LARGE1: variants seen among roughly 807,000 people sequenced by gnomAD.
The protein encoded by LARGE1 is xylosyl- and glucuronyltransferase LARGE1.
Under a neutral mutation model 87.6 loss-of-function variants are expected in LARGE1, and 43 were observed. The ratio of observed to expected loss-of-function variants is 0.49; its 90% CI spans 0.38 to 0.63. LARGE1 has a LOEUF of 0.63. Among genes scored for constraint, LARGE1 ranks in the 30% least tolerant of loss-of-function variants. The probability of loss-of-function intolerance (pLI) is 0.00; values close to 1 mark genes in which losing one functional copy is unlikely to be tolerated. For missense variants in LARGE1, 802 were observed against 1,000.2 expected (o/e 0.80, Z 2.67); for synonymous variants, 434 against 394.6 (o/e 1.10, Z -1.18).
intron 6 of LARGE1, among the ~76,000 whole-genome samples, chr22:33,512,891 A>G (rs763734476): frequency 1.3e-5 from 2 of 152,226 alleles, no homozygotes; most frequent in Middle Eastern, 3.2e-3. Context: ...CTTGTCTTCA[A>G]CATACCCTGT....
At chr22:33,684,456 A>T (rs555526374) in intron 2 of LARGE1, among the ~76,000 whole-genome samples, 11 of 151,984 alleles carry the variant, frequency 7.2e-5, no homozygotes, top group Non-Finnish European at 1.5e-4. Flanking sequence ...AGAAAATCCC[A>T]TAGAAGTCAC....
intron 2 of LARGE1, among the ~76,000 whole-genome samples, chr22:33,738,977 C>T (rs1008664454): frequency 3.3e-5 from 5 of 150,376 alleles, no homozygotes; most frequent in African/African-American, 1.2e-4. Context: ...ATACAGTCAT[C>T]CTAGATACAG....
intron 2 of LARGE1, among the ~76,000 whole-genome samples, chr22:33,740,189 C>T (rs2083826233): frequency 6.6e-6 from 1 of 152,184 alleles, no homozygotes; most frequent in Admixed American, 6.5e-5. Flanking sequence ...TGGCCTATTC[C>T]TAGTCATGCT....
rs200125072 is a variant in LARGE1 at position 33,812,335 on chromosome 22, AC to A, written c.-82-50778del. On this transcript the variant is annotated intron_variant, in intron 1 of 14. Coordinates refer to ENST00000397394, the MANE Select transcript of LARGE1 (RefSeq NM_133642.5). ...TGACACAGCATCTCACCTGCCCAGAACTTGTGACAGTCACTTGGCTTCATTT... is the reference window on the plus strand; with the variant it reads ...TGACACAGCATCTCACCTGCCCAGAATTGTGACAGTCACTTGGCTTCATTT... 8.2e-3 allele frequency among the ~76,000 whole-genome samples: 1,246 copies of A among 152,232 alleles called. 15 individuals carry two copies. Among genetic ancestry groups the A allele is most frequent in the African/African-American group, 0.029 (1,202 of 41,550 alleles).
chr22:33,695,327 T>A (rs1378273067), intron 2 of LARGE1, among the ~76,000 whole-genome samples: 1 of 152,056 alleles, frequency 6.6e-6, no homozygotes, highest in Non-Finnish European at 1.5e-5. Context: ...TGGTCTCAAA[T>A]TCCTGACCTC....
chr22:33,225,944 C>A (rs1347171490), intron 11 of LARGE1, among the ~76,000 whole-genome samples: 1 of 152,148 alleles, frequency 6.6e-6, no homozygotes. Context: ...ACCACATTTT[C>A]TTTATCCAGT....
chr22:33,817,599 C>G (rs1207666969), intron 1 of LARGE1, among the ~76,000 whole-genome samples: 1 of 152,086 alleles, frequency 6.6e-6, no homozygotes, highest in African/African-American at 2.4e-5. Context: ...GAAGGGACCA[C>G]AGAGAGGTAA....
the LARGE1 span, among the ~76,000 whole-genome samples, chr22:33,100,345 AT>A: frequency 2.0e-5 from 2 of 101,242 alleles, no homozygotes; most frequent in East Asian, 9.7e-4. Context: ...ATGGGACTCC[AT>A]CTCAAAAAAA....
At chr22:33,323,161 A>G (rs1351730838) in intron 10 of LARGE1, among the ~76,000 whole-genome samples, 1 of 152,110 alleles carries the variant, frequency 6.6e-6, no homozygotes, top group African/African-American at 2.4e-5. Flanking sequence ...AACAACAACA[A>G]AAAACAAAAA....
chr22:33,275,952 G>A (rs991962547), intron 14 of LARGE1, among the ~76,000 whole-genome samples: 2 of 152,168 alleles, frequency 1.3e-5, no homozygotes, highest in Non-Finnish European at 2.9e-5. Context: ...GATACTGACA[G>A]CCCTGCTTTC....
At chr22:33,495,723 G>A (rs1421724528) in intron 6 of LARGE1, among the ~76,000 whole-genome samples, 2 of 152,030 alleles carry the variant, frequency 1.3e-5, no homozygotes, top group African/African-American at 2.4e-5. Context: ...TCTCAAAAAC[G>A]AAACAAAACA....
intron 9 of LARGE1, among the ~76,000 whole-genome samples, chr22:33,378,527 G>C (rs1437839178): frequency 6.6e-6 from 1 of 152,094 alleles, no homozygotes; most frequent in Non-Finnish European, 1.5e-5. Context: ...TTTGCCTGTT[G>C]GCCTATTGTC....
the LARGE1 span, among the ~76,000 whole-genome samples, chr22:33,090,160 G>T: frequency 1.3e-5 from 2 of 152,098 alleles, no homozygotes. Context: ...AGCCGAGATC[G>T]CACCACTGTA....
At chr22:33,864,105 G>T (rs984070210) in intron 1 of LARGE1, among the ~76,000 whole-genome samples, 5 of 152,164 alleles carry the variant, frequency 3.3e-5, no homozygotes, top group African/African-American at 4.8e-5. Flanking sequence ...AACCTACCAG[G>T]CAGGTAGAGT....
At chr22:33,806,925 G>A (rs368270559) in intron 1 of LARGE1, among the ~76,000 whole-genome samples, 1 of 152,094 alleles carries the variant, frequency 6.6e-6, no homozygotes, top group African/African-American at 2.4e-5. Context: ...CAGGAGAATC[G>A]CTTGAACCTG....
intron 1 of LARGE1, among the ~76,000 whole-genome samples, chr22:33,773,567 T>C (rs2085138765): frequency 6.6e-6 from 1 of 152,216 alleles, no homozygotes; most frequent in African/African-American, 2.4e-5. Context: ...GTCACCCGAA[T>C]TGTGCCCATC....
At chr22:33,793,544 C>T (rs1182400315) in intron 1 of LARGE1, among the ~76,000 whole-genome samples, 4 of 152,212 alleles carry the variant, frequency 2.6e-5, no homozygotes, top group African/African-American at 7.2e-5. Flanking sequence ...CACTCCCAAA[C>T]CTGAAACCCG....
the LARGE1 span, among the ~76,000 whole-genome samples, chr22:33,111,689 C>G: frequency 6.6e-6 from 1 of 152,208 alleles, no homozygotes; most frequent in Non-Finnish European, 1.5e-5. Context: ...ATTTGCATCC[C>G]ACCTCTGCCT....
At chr22:33,418,477 T>A (rs1047398710) in intron 7 of LARGE1, among the ~76,000 whole-genome samples, 2 of 152,170 alleles carry the variant, frequency 1.3e-5, no homozygotes, top group Non-Finnish European at 2.9e-5. Flanking sequence ...TTTTATAACA[T>A]GGATGGAAAG....
Sources: gnomAD v4.1 joint callset for allele counts (sites outside exome capture counted in the v4.1 genomes callset) on GRCh38, gnomAD v4.1.1 for gene constraint, MANE v1.5 for transcripts, NCBI Gene and HGNC (gene_info 2026-07-23, HGNC 2026-07-21) for gene names.